Variants in RNF212B observed in about 807,000 individuals in gnomAD.
RNF212B encodes the protein ring finger protein 212B, also known as E3 ubiquitin-protein ligase RNF212B.
A neutral mutation model predicts 55.5 loss-of-function variants in RNF212B; 52 were observed. The observed-to-expected ratio is 0.94, with a 90% CI of 0.75 to 1.18. The LOEUF is 1.18. Ranked by LOEUF, RNF212B falls within the 50% of genes most tolerant of loss-of-function variation. The pLI, the probability that RNF212B is intolerant of heterozygous loss-of-function variation, is 0.00. For synonymous variants in RNF212B, 99 were observed against 121.4 expected (o/e 0.82, Z 1.21); for missense variants, 289 against 350.4 (o/e 0.82, Z 1.40).
intron 2 of RNF212B, among the ~76,000 whole-genome samples, chr14:23,194,877 C>T (rs1003557969): frequency 6.6e-6 from 1 of 151,622 alleles, no homozygotes; most frequent in Non-Finnish European, 1.5e-5. Context: ...AGAGACTATA[C>T]ATTATTTCCA....
intron 4 of RNF212B, among the ~76,000 whole-genome samples, chr14:23,253,217 A>G (rs990244967): frequency 6.6e-6 from 1 of 152,210 alleles, no homozygotes; most frequent in Non-Finnish European, 1.5e-5. Flanking sequence ...CCATAATATT[A>G]TCAAATTATC....
At chr14:23,187,583 A>G (rs1201860785) in intron 1 of RNF212B, among the ~76,000 whole-genome samples, 1 of 151,928 alleles carries the variant, frequency 6.6e-6, no homozygotes, top group East Asian at 1.9e-4. Context: ...AAGCTCATGC[A>G]CTCCATTCCT....
intron 2 of RNF212B, among the ~76,000 whole-genome samples, chr14:23,241,581 G>A (rs1883569867): frequency 6.6e-6 from 1 of 151,860 alleles, no homozygotes; most frequent in African/African-American, 2.4e-5. Flanking sequence ...GCACCACCAT[G>A]CCTGGCTAAC....
At chr14:23,192,591 C>T (rs890657464) in intron 1 of RNF212B, among the ~76,000 whole-genome samples, 16 of 151,640 alleles carry the variant, frequency 1.1e-4, no homozygotes, top group African/African-American at 2.4e-4. Flanking sequence ...ATGTGAATGA[C>T]GAGTTAATGG....
intron 2 of RNF212B, among the ~76,000 whole-genome samples, chr14:23,194,747 A>AAC (rs1878482331): frequency 6.6e-6 from 1 of 151,018 alleles, no homozygotes; most frequent in Non-Finnish European, 1.5e-5. Context: ...AAAAAAAAAA[A>AAC]AAAAAAAAAA....
intron 2 of RNF212B, among the ~76,000 whole-genome samples, chr14:23,204,516 C>G (rs1308179971): frequency 6.6e-6 from 1 of 152,124 alleles, no homozygotes; most frequent in Non-Finnish European, 1.5e-5. Context: ...TTTGCTTTGT[C>G]AAAGCTCAGT....
chr14:23,238,765 A>ATCATC (rs1566420287), intron 1 of RNF212B, among the ~76,000 whole-genome samples: 31 of 132,028 alleles, frequency 2.3e-4, no homozygotes, highest in Admixed American at 6.9e-4. Context: ...TAATAATAAT[A>ATCATC]ATAATAATAA....
intron 7 of RNF212B, among the ~76,000 whole-genome samples, chr14:23,261,897 A>G (rs970509108): frequency 6.6e-6 from 1 of 152,068 alleles, no homozygotes; most frequent in African/African-American, 2.4e-5. Flanking sequence ...CCCAGGAGGC[A>G]GAGCTGGCAG....
At chr14:23,220,487 A>C (rs1316273446) in intron 2 of RNF212B, among the ~76,000 whole-genome samples, 1 of 150,714 alleles carries the variant, frequency 6.6e-6, no homozygotes, top group African/African-American at 2.4e-5. Context: ...AGCCGAGATC[A>C]CACCACTGCA....
rs1885513662 is a variant in RNF212B at position 23,264,204 on chromosome 14, T to C, written c.555T>C (p.Tyr185=). ...CCTCCTCAGCGGAATCTATTCCTTA[T>C]AGAGAGGCTGGCTTTGGTAGCTTGG... The part of the protein sequence containing the change: ...SRSSSAESIP[Y]REAGFGSLGQ... Residue 185 remains tyrosine (Y), a synonymous_variant, in exon 10 of 15, where the codon TAT becomes TAC. Transcript: ENST00000430154. 1 of 1,550,308 alleles carries C rather than the reference T, an allele frequency of 6.5e-7. No homozygotes were observed. Among genetic ancestry groups the C allele is most frequent in the African/African-American group, 1.4e-5 (1 of 73,064 alleles).
chr14:23,268,968 G>A lies in RNF212B; in HGVS notation c.674+5G>A. 6.5e-7 allele frequency: 1 copy of A among 1,548,696 alleles called. No homozygotes were observed. On this transcript the variant is annotated splice_donor_5th_base_variant and intron_variant, in intron 12 of 14. Transcript: ENST00000430154. Reference sequence around the variant, plus strand: ...AACTCATAGCCTATCTTATAGGTCAGTAACACTATGCTTCCTTTTTCTTGG... The same window carrying A: ...AACTCATAGCCTATCTTATAGGTCAATAACACTATGCTTCCTTTTTCTTGG...
chr14:23,194,465 C>T (rs1351268122), intron 2 of RNF212B, among the ~76,000 whole-genome samples: 1 of 152,078 alleles, frequency 6.6e-6, no homozygotes, highest in Non-Finnish European at 1.5e-5. Context: ...CAGCCAGGCG[C>T]AGTGACACAC....
intron 1 of RNF212B, among the ~76,000 whole-genome samples, chr14:23,190,326 T>C (rs1878004976): frequency 6.6e-6 from 1 of 152,220 alleles, no homozygotes; most frequent in Non-Finnish European, 1.5e-5. Context: ...GTCTCTGTTT[T>C]GGGTGTTTAA....
intron 13 of RNF212B, 99 bp downstream of exon 13, chr14:23,270,059 C>A: frequency 4.1e-6 from 3 of 729,982 alleles, no homozygotes; most frequent in East Asian, 5.4e-5. Flanking sequence ...GGTTTGCCCC[C>A]CAAAGAGCAT....
chr14:23,185,974 C>T (rs905293346), intron 1 of RNF212B, among the ~76,000 whole-genome samples: 2 of 152,216 alleles, frequency 1.3e-5, no homozygotes, highest in South Asian at 4.2e-4. Flanking sequence ...GTGGCTCACG[C>T]CTGTAATCCC....
At chr14:23,270,033 G>A in intron 13 of RNF212B, 73 bp downstream of exon 13, 1 of 870,656 alleles carries the variant, frequency 1.1e-6, no homozygotes, top group Admixed American at 2.1e-5. Flanking sequence ...AGATTTTCAA[G>A]ATGACAAGAT....
At chr14:23,201,076 G>A (rs1041910408) in intron 2 of RNF212B, among the ~76,000 whole-genome samples, 1 of 152,132 alleles carries the variant, frequency 6.6e-6, no homozygotes, top group Non-Finnish European at 1.5e-5. Context: ...CAGAATAAAG[G>A]ATCAGCAACA....
chr14:23,198,625 G>A (rs1260473017), intron 2 of RNF212B, among the ~76,000 whole-genome samples: 2 of 151,398 alleles, frequency 1.3e-5, no homozygotes, highest in Non-Finnish European at 2.9e-5. Context: ...GCAGTGAGCC[G>A]AGATCGCGCC....
At chr14:23,218,434 T>A (rs184378534) in intron 2 of RNF212B, among the ~76,000 whole-genome samples, 10 of 150,734 alleles carry the variant, frequency 6.6e-5, no homozygotes, top group Admixed American at 2.0e-4. Flanking sequence ...AAAAGTAATC[T>A]CTTAAAAGTA....
Sources: gnomAD v4.1 joint callset for allele counts (sites outside exome capture counted in the v4.1 genomes callset) on GRCh38, gnomAD v4.1.1 for gene constraint, MANE v1.5 for transcripts, NCBI Gene and HGNC (gene_info 2026-07-23, HGNC 2026-07-21) for gene names.